SOX6: variants seen among roughly 807,000 people sequenced by gnomAD.
The protein encoded by SOX6 is transcription factor SOX-6.
SOX6 carries 11 observed loss-of-function variants against 97.8 expected under a neutral mutation model. That is an observed-to-expected ratio of 0.11 (90% CI 0.07 to 0.19). SOX6 has a LOEUF of 0.19. SOX6 is among the 10% of genes least tolerant of loss of function. SOX6 has a pLI of 1.00. For missense variants in SOX6, 810 were observed against 1,039.5 expected, an observed-to-expected ratio of 0.78 and a Z score of 3.04; for synonymous variants, 360 against 371.4, an observed-to-expected ratio of 0.97 and a Z score of 0.35.
chr11:16,127,296 T>C (rs1370476559), intron 6 of SOX6, among the ~76,000 whole-genome samples: 1 of 152,104 alleles, frequency 6.6e-6, no homozygotes, highest in Non-Finnish European at 1.5e-5. Flanking sequence ...TAGAAATTGA[T>C]TTTTGTTGTT....
At chr11:16,359,222 C>T (rs765586957), upstream of SOX6, among the ~76,000 whole-genome samples, 2 of 151,800 alleles carry the variant, frequency 1.3e-5, no homozygotes, top group Non-Finnish European at 2.9e-5. Flanking sequence ...AAAGGACATT[C>T]CAAGATGTGC....
At chr11:16,538,307 C>T (rs956153477) in intron 4 of SOX6, among the ~76,000 whole-genome samples, 2 of 152,146 alleles carry the variant, frequency 1.3e-5, no homozygotes, top group African/African-American at 4.8e-5. Flanking sequence ...CCCTGCCTTA[C>T]AAGAGCTCCT....
intron 3 of SOX6, among the ~76,000 whole-genome samples, chr11:16,645,089 G>C (rs372531452): frequency 6.6e-6 from 1 of 152,120 alleles, no homozygotes; most frequent in East Asian, 1.9e-4. Context: ...CATTTAATTG[G>C]TTGGACATGA....
intron 3 of SOX6, among the ~76,000 whole-genome samples, chr11:16,288,240 A>C (rs1854809178): frequency 6.6e-6 from 1 of 151,996 alleles, no homozygotes; most frequent in Non-Finnish European, 1.5e-5. Context: ...TGCTCAACTC[A>C]AGACTATGCT....
intron 6 of SOX6, among the ~76,000 whole-genome samples, chr11:16,112,790 T>G (rs1849262084): frequency 6.6e-6 from 1 of 152,172 alleles, no homozygotes; most frequent in Admixed American, 6.5e-5. Flanking sequence ...TTCTTTACTC[T>G]ATGCATGCTG....
chr11:16,456,770 A>G (rs1221502822), intron 1 of SOX6, among the ~76,000 whole-genome samples: 1 of 152,120 alleles, frequency 6.6e-6, no homozygotes, highest in Non-Finnish European at 1.5e-5. Context: ...TTAACCAAAC[A>G]TAGTTATTTA....
chr11:16,629,455 T>A (rs1366978644), intron 3 of SOX6, among the ~76,000 whole-genome samples: 1 of 152,198 alleles, frequency 6.6e-6, no homozygotes, highest in African/African-American at 2.4e-5. Flanking sequence ...CTTTTTATCG[T>A]GGTGAATTAA....
chr11:16,149,585 A>G (rs1850406507), intron 6 of SOX6, among the ~76,000 whole-genome samples: 1 of 152,170 alleles, frequency 6.6e-6, no homozygotes, highest in South Asian at 2.1e-4. Context: ...CACAGACTTC[A>G]GAACCTGCTA....
intron 4 of SOX6, among the ~76,000 whole-genome samples, chr11:16,538,737 C>G (rs1227878188): frequency 6.6e-6 from 1 of 152,178 alleles, no homozygotes; most frequent in East Asian, 1.9e-4. Flanking sequence ...AAGACCATTA[C>G]ATAATGGTAA....
intron 4 of SOX6, among the ~76,000 whole-genome samples, chr11:16,491,449 C>A (rs1234840727): frequency 2.0e-5 from 3 of 152,008 alleles, no homozygotes; most frequent in Non-Finnish European, 4.4e-5. Flanking sequence ...GTCAATCTCC[C>A]CAAATTAATC....
At chr11:16,411,431 A>G (rs12284936) in intron 1 of SOX6, among the ~76,000 whole-genome samples, 3,768 of 152,226 alleles carry the variant, frequency 0.025, 139 homozygotes, top group African/African-American at 0.078. Flanking sequence ...TAGGGAAAAA[A>G]CTGCCAACTT....
chr11:16,005,983 C>T (rs538061616), intron 13 of SOX6, among the ~76,000 whole-genome samples: 15 of 152,020 alleles, frequency 9.9e-5, no homozygotes, highest in Non-Finnish European at 2.1e-4. Flanking sequence ...AAAACCCGCA[C>T]TCCTAAGTGA....
chr11:16,306,153 G>A (rs1007921890), intron 3 of SOX6, among the ~76,000 whole-genome samples: 3 of 152,098 alleles, frequency 2.0e-5, no homozygotes, highest in African/African-American at 7.2e-5. Context: ...TCAGTGAATT[G>A]TTTCAATGTC....
At chr11:16,723,152 A>G (rs536484749) in intron 2 of SOX6, among the ~76,000 whole-genome samples, 1 of 152,232 alleles carries the variant, frequency 6.6e-6, no homozygotes, top group African/African-American at 2.4e-5. Context: ...GTCATAAAAA[A>G]GGATGAGATC....
At chr11:15,986,958 C>A (rs1244470150) in intron 14 of SOX6, among the ~76,000 whole-genome samples, 2 of 152,142 alleles carry the variant, frequency 1.3e-5, no homozygotes, top group Non-Finnish European at 2.9e-5. Context: ...TAAGCTCTAC[C>A]TAAGAAGTTA....
chr11:16,560,562 C>A (rs1847802351), intron 4 of SOX6, among the ~76,000 whole-genome samples: 2 of 105,524 alleles, frequency 1.9e-5, no homozygotes, highest in African/African-American at 3.3e-5. Context: ...TTTATACGTA[C>A]ATATATGTTT....
At chr11:16,622,336 AGTGGTGAT>A (rs1848556443) in intron 3 of SOX6, among the ~76,000 whole-genome samples, 1 of 152,216 alleles carries the variant, frequency 6.6e-6, no homozygotes, top group Non-Finnish European at 1.5e-5. Flanking sequence ...TAAGTTCTTT[AGTGGTGAT>A]TTCTGAGATT....
In SOX6 at chr11:16,100,715, G is replaced by A. The variant is rs773503061; in HGVS notation, c.899-3027C>T. 2.0e-5 allele frequency among the ~76,000 whole-genome samples: 3 copies of A among 150,582 alleles called. No individual in the cohort carries two copies. In the Middle Eastern group the frequency reaches 0.01, roughly 516 times the overall value. On this transcript the variant is annotated intron_variant, in intron 7 of 15. Coordinates refer to ENST00000683767, the MANE Select transcript of SOX6 (RefSeq NM_001367873.1). ...GATTCAGGCTACCTCCTGCAATAAT[G>A]CTTTTAATTTGAATAATTCAGATAT...
chr11:16,277,530 T>A (rs10832582), intron 3 of SOX6, among the ~76,000 whole-genome samples: 25,419 of 152,180 alleles, frequency 0.17, 2,612 homozygotes, highest in Admixed American at 0.29. Context: ...GATCAGCTCC[T>A]GTTACAAAGA....
Sources: allele counts gnomAD v4.1 joint callset (sites outside exome capture counted in the v4.1 genomes callset), GRCh38; gene constraint gnomAD v4.1.1; transcripts MANE v1.5; gene names NCBI Gene and HGNC (gene_info 2026-07-23, HGNC 2026-07-21).